RPS6KA1: variants seen among roughly 807,000 people sequenced by gnomAD.
The protein encoded by RPS6KA1 is ribosomal protein S6 kinase A1.
A neutral mutation model predicts 91.3 loss-of-function variants in RPS6KA1; 48 were observed. The ratio of observed to expected loss-of-function variants is 0.53; its 90% CI spans 0.42 to 0.67. The LOEUF is 0.67. RPS6KA1 is among the 30% of genes least tolerant of loss of function. RPS6KA1 has a pLI of 0.00. For synonymous variants in RPS6KA1, 359 were observed against 384.7 expected, an observed-to-expected ratio of 0.93 and a Z score of 0.78; for missense variants, 719 against 960.5, an observed-to-expected ratio of 0.75 and a Z score of 3.32.
intron 17 of RPS6KA1, among the ~76,000 whole-genome samples, chr1:26,570,711 A>C (rs1468983845): frequency 6.6e-6 from 1 of 152,258 alleles, no homozygotes; most frequent in African/African-American, 2.4e-5. Flanking sequence ...GCAGTGAGCA[A>C]AACACTCAGG....
chr1:26,574,167 G>A lies in RPS6KA1; in HGVS notation c.2174G>A (p.Arg725Gln), dbSNP rs775512830. The change falls in exon 22 of 22, where the codon CGG becomes CAG. Residue 725 changes from arginine to glutamine, a missense_variant. Arg to Gln is a conservative substitution (Grantham distance 43, BLOSUM62 1). This residue lies in a region of RPS6KA1 where 249 missense variants were observed against 323.1 expected (regional missense o/e 0.77). Coordinates refer to ENST00000374168, the MANE Select transcript of RPS6KA1 (RefSeq NM_002953.4). The surrounding 1 kb of genome is among the most constrained non-coding windows in gnomAD (Gnocchi z 4.3). ...ATCGAGTCATCCATCCTGGCCCAGCGGCGAGTGAGGAAGTTGCCATCCACC... is the reference window on the plus strand; with the variant it reads ...ATCGAGTCATCCATCCTGGCCCAGCAGCGAGTGAGGAAGTTGCCATCCACC... ...KPIESSILAQ[R>Q]RVRKLPSTTL 5 of 1,614,094 alleles carry A rather than the reference G, an allele frequency of 3.1e-6. No individual in the cohort carries two copies. Among genetic ancestry groups the A allele is most frequent in the Admixed American group, 1.7e-5 (1 of 60,016 alleles).
In RPS6KA1 at chr1:26,555,097, G is replaced by T. The variant is rs1043910047; in HGVS notation, c.757-54G>T. The T allele has an allele frequency of 6.4e-7, 1 of 1,550,576 alleles. No homozygotes were observed. The highest frequency in any genetic ancestry group is 8.9e-7 in the Non-Finnish European group (1 of 1,123,182). On this transcript the variant is annotated intron_variant, in intron 9 of 21. Coordinates refer to ENST00000374168, the MANE Select transcript of RPS6KA1 (RefSeq NM_002953.4). This position sits in a 1 kb window ranked among gnomAD's most constrained non-coding sequence, Gnocchi z 4.3. ...AGAGGGGTCTGACTGGGAGGAGGCGGGAGGTGTGTCGGAGACAGGGATCAG... is the reference window on the plus strand; with the variant it reads ...AGAGGGGTCTGACTGGGAGGAGGCGTGAGGTGTGTCGGAGACAGGGATCAG...
intron 7 of RPS6KA1, 33 bp downstream of exon 7, chr1:26,553,530 C>T: frequency 6.9e-7 from 1 of 1,459,272 alleles, no homozygotes; most frequent in Non-Finnish European, 9.6e-7. Flanking sequence ...CCCCAGCCTC[C>T]CCAGGGGAGG....
In RPS6KA1 at chr1:26,573,119, A is replaced by G. The variant is rs1039888086; in HGVS notation, c.1948-105A>G. On this transcript the variant is annotated intron_variant, in intron 20 of 21. Coordinates refer to ENST00000374168, the MANE Select transcript of RPS6KA1 (RefSeq NM_002953.4). ...AGAATGGATCCCAGGGGCTGCCGCA[A>G]GGGTTCAGGCGGGAGCTAGCAGGAG... is the stretch of plus-strand genomic sequence containing the variant. 11 of 1,228,348 alleles carry G rather than the reference A, an allele frequency of 9.0e-6. No homozygotes were observed. The African/African-American group carries it at 1.0e-4, about 12-fold the overall frequency. 76.1% of individuals were successfully genotyped at this position (1,228,348 alleles called of 1,614,324 possible).
rs2076047396 is a variant in RPS6KA1, at chr1:26,551,312, T to A, written c.308-85T>A. 2 of 1,212,662 alleles carry A rather than the reference T, an allele frequency of 1.6e-6. No homozygotes were observed. The highest frequency in any genetic ancestry group is 2.4e-6 in the Non-Finnish European group (2 of 823,488). 75.1% of individuals were successfully genotyped at this position (1,212,662 alleles called of 1,614,324 possible). ...GGGAGCTCAGGCCTGGAGGAACAAGTGGAAAAGAGATCCCTTAGCGGGGGC... is the reference window on the plus strand; with the variant it reads ...GGGAGCTCAGGCCTGGAGGAACAAGAGGAAAAGAGATCCCTTAGCGGGGGC... On this transcript the variant is annotated intron_variant, in intron 4 of 21. Transcript: ENST00000374168. The surrounding 1 kb of genome is among the most constrained non-coding windows in gnomAD (Gnocchi z 4.5).
chr1:26,551,560 C>G lies in RPS6KA1; in HGVS notation c.388+83C>G, dbSNP rs1361323357. The G allele has an allele frequency of 1.6e-5, 26 of 1,598,496 alleles. No homozygotes were observed. In the Admixed American group the frequency reaches 4.3e-4, roughly 27 times the overall value. On this transcript the variant is annotated intron_variant, in intron 5 of 21. Coordinates refer to ENST00000374168, the MANE Select transcript of RPS6KA1 (RefSeq NM_002953.4). This position sits in a 1 kb window ranked among gnomAD's most constrained non-coding sequence, Gnocchi z 4.5. Reference sequence around the variant, plus strand: ...GGTCTGTACACTGTCCCACCGCCTGCCTGGCAGGCCAAGGGAGCCAGGGCC... The same window carrying G: ...GGTCTGTACACTGTCCCACCGCCTGGCTGGCAGGCCAAGGGAGCCAGGGCC...
intron 14 of RPS6KA1, 27 bp from the exon 15 acceptor site, chr1:26,560,699 T>C (rs2076146077): frequency 6.2e-7 from 1 of 1,613,850 alleles, no homozygotes; most frequent in Non-Finnish European, 8.5e-7. Context: ...GAGCCAGGGG[T>C]CAGCCACAAT....
chr1:26,549,066 C>A (rs1382953123), intron 4 of RPS6KA1, among the ~76,000 whole-genome samples: 1 of 150,514 alleles, frequency 6.6e-6, no homozygotes, highest in Non-Finnish European at 1.5e-5. Context: ...AGATAAGCAG[C>A]TGTGAGCATC....
chr1:26,567,175 C>T (rs1192661523), intron 17 of RPS6KA1, among the ~76,000 whole-genome samples: 1 of 152,006 alleles, frequency 6.6e-6, no homozygotes, highest in Non-Finnish European at 1.5e-5. Flanking sequence ...AGGCGTGCCA[C>T]CACACCTGGC....
Position 26,574,331 on chromosome 1 carries a change from A to G in RPS6KA1, c.*130A>G. On this transcript the variant is annotated 3_prime_UTR_variant, in exon 22 of 22. Coordinates refer to ENST00000374168, the MANE Select transcript of RPS6KA1 (RefSeq NM_002953.4). This position sits in a 1 kb window ranked among gnomAD's most constrained non-coding sequence, Gnocchi z 4.3. ...GAGGGGCCGGGGAAGCTGCCAGCCC[A>G]GAACACCCCTAATGAGGGTGTGAGA... 9.0e-7 allele frequency: 1 copy of G among 1,115,384 alleles called. No individual in the cohort carries two copies. Among genetic ancestry groups the G allele is most frequent in the Non-Finnish European group, 1.4e-6 (1 of 727,680 alleles). 69.1% of individuals were successfully genotyped at this position (1,115,384 alleles called of 1,614,324 possible).
At chr1:26,562,936 A>G (rs2076167248) in intron 17 of RPS6KA1, among the ~76,000 whole-genome samples, 1 of 142,414 alleles carries the variant, frequency 7.0e-6, no homozygotes, top group Non-Finnish European at 1.5e-5. Flanking sequence ...TCCCGGGTTC[A>G]AGTGACTCTC....
intron 1 of RPS6KA1, among the ~76,000 whole-genome samples, chr1:26,534,648 A>G (rs2075893506): frequency 6.6e-6 from 1 of 152,188 alleles, no homozygotes; most frequent in South Asian, 2.1e-4. Context: ...ATATATTTAT[A>G]GGCATTATTT....
intron 1 of RPS6KA1, among the ~76,000 whole-genome samples, chr1:26,532,997 A>T (rs2124610277): frequency 6.6e-6 from 1 of 152,350 alleles, no homozygotes; most frequent in Middle Eastern, 3.4e-3. Context: ...CACTTAGGTG[A>T]TAAGTACTAT....
rs2076084220 is a variant in RPS6KA1 at position 26,554,770 on chromosome 1, C to G, written c.756+32C>G. 2 of 1,573,954 alleles carry G rather than the reference C, an allele frequency of 1.3e-6. No homozygotes were observed. Among genetic ancestry groups the G allele is most frequent in the Middle Eastern group, 1.7e-4 (1 of 5,894 alleles). On this transcript the variant is annotated intron_variant, in intron 9 of 21. Transcript: ENST00000374168. The surrounding 1 kb of genome is among the most constrained non-coding windows in gnomAD (Gnocchi z 4.6). ...GCCCAGACAGGGGTAAAGGATCCAGCCCAAGCCTCTGGCCTCAGTCTCCCT... is the reference window on the plus strand; with the variant it reads ...GCCCAGACAGGGGTAAAGGATCCAGGCCAAGCCTCTGGCCTCAGTCTCCCT...
At chr1:26,533,455 T>C (rs978332347) in intron 1 of RPS6KA1, among the ~76,000 whole-genome samples, 6 of 152,060 alleles carry the variant, frequency 3.9e-5, no homozygotes, top group East Asian at 2.0e-4. Flanking sequence ...ACTGTAATCC[T>C]AGCACTTTGG....
Position 26,572,289 on chromosome 1 carries a change from C to G in RPS6KA1, c.1943C>G (p.Ala648Gly). ...GGNWNTVSET[A>G]KDLVSKMLHV... ...AATTGGAACACAGTTTCAGAGACAG[C>G]CAAGGTGAGTCTGTACGGCCTGCGT... The change falls in exon 20 of 22, where the codon GCC becomes GGC. Residue 648 changes from alanine to glycine, a missense_variant. Coordinates refer to ENST00000374168, the MANE Select transcript of RPS6KA1 (RefSeq NM_002953.4). The G allele has an allele frequency of 6.2e-7, 1 of 1,608,972 alleles. No homozygotes were observed. Among genetic ancestry groups the G allele is most frequent in the Non-Finnish European group, 8.5e-7 (1 of 1,175,436 alleles).
At position 26,551,269 on chromosome 1, in the gene RPS6KA1, C is replaced by A; in HGVS notation, c.308-128C>A. The A allele has an allele frequency of 2.6e-6, 2 of 763,770 alleles. No individual in the cohort carries two copies. The highest frequency in any genetic ancestry group is 2.6e-5 in the East Asian group (1 of 39,202). 47.3% of individuals were successfully genotyped at this position (763,770 alleles called of 1,614,324 possible). A position where few individuals can be genotyped will look rare whatever the true frequency, so the allele number is the denominator to read the frequency against. On this transcript the variant is annotated intron_variant, in intron 4 of 21. Coordinates refer to ENST00000374168, the MANE Select transcript of RPS6KA1 (RefSeq NM_002953.4). This position sits in a 1 kb window ranked among gnomAD's most constrained non-coding sequence, Gnocchi z 4.5. The stretch of plus-strand genomic sequence containing the variant: ...CCTGAGGATTGAGTGTCCCCAAAGC[C>A]CTGGGTGAGGGGGCTTTGGGAGCTC...
In RPS6KA1 at chr1:26,540,117, C is replaced by T. The variant is rs1434013515; in HGVS notation, c.108+3148C>T. On this transcript the variant is annotated intron_variant, in intron 2 of 21. Coordinates refer to ENST00000374168, the MANE Select transcript of RPS6KA1 (RefSeq NM_002953.4). This position sits in a 1 kb window ranked among gnomAD's most constrained non-coding sequence, Gnocchi z 4.2. ...GGGGCCCTGTGGCTGGGCTCTGTCC[C>T]TTCAGCCTGCCCAGGGGAGACCCCA... Among the ~76,000 whole-genome samples, 4 of 152,188 alleles carry T rather than the reference C, an allele frequency of 2.6e-5. No homozygotes were observed. The highest frequency in any genetic ancestry group is 5.9e-5 in the Non-Finnish European group (4 of 68,036).
In RPS6KA1 at chr1:26,554,782, G is replaced by C; in HGVS notation, c.756+44G>C. The C allele has an allele frequency of 6.4e-7, 1 of 1,563,140 alleles. No homozygotes were observed. The highest frequency in any genetic ancestry group is 8.7e-7 in the Non-Finnish European group (1 of 1,148,862). ...GTAAAGGATCCAGCCCAAGCCTCTG[G>C]CCTCAGTCTCCCTATCTGTACAGTG... On this transcript the variant is annotated intron_variant, in intron 9 of 21. Transcript: ENST00000374168. The surrounding 1 kb of genome is among the most constrained non-coding windows in gnomAD (Gnocchi z 4.6).
Sources: gnomAD v4.1 joint callset for allele counts (sites outside exome capture counted in the v4.1 genomes callset) on GRCh38, gnomAD v4.1.1 for gene constraint, gnomAD v4.1.1 regional missense constraint, Gnocchi (gnomAD v3.1) non-coding constraint, MANE v1.5 for transcripts, NCBI Gene and HGNC (gene_info 2026-07-23, HGNC 2026-07-21) for gene names.